Variants in PLXNB3 observed in about 807,000 individuals in gnomAD.
PLXNB3 encodes the protein plexin-B3.
In PLXNB3, 80 loss-of-function variants were observed where a neutral mutation model predicts 125.7. That is an observed-to-expected ratio of 0.64 (90% CI 0.53 to 0.77). The LOEUF is 0.77. PLXNB3 is among the 30% of genes least tolerant of loss of function. PLXNB3 has a pLI of 0.00. For synonymous variants in PLXNB3, 954 were observed against 783.3 expected, an observed-to-expected ratio of 1.22 and a Z score of -3.64; for missense variants, 1,836 against 1,729.3, an observed-to-expected ratio of 1.06 and a Z score of -1.09.
At chrX:153,771,456 G>A (rs200739097) in intron 13 of PLXNB3, 30 bp from the exon 14 acceptor site, 2 of 1,209,021 alleles carry the variant, frequency 1.7e-6, no homozygotes, top group African/African-American at 1.7e-5. Flanking sequence ...CAGACAGGAG[G>A]CGCTCAGCAC....
Position 153,778,400 on chromosome X carries a change from T to C in PLXNB3, c.5479T>C (p.Tyr1827His). 4 of 1,211,349 alleles carry C rather than the reference T, an allele frequency of 3.3e-6. No homozygotes were observed. The highest frequency in any genetic ancestry group is 4.5e-6 in the Non-Finnish European group (4 of 895,323). The change falls in exon 34 of 36, where the codon TAT (tyrosine) becomes CAT (histidine). Residue 1827 changes from tyrosine to histidine, a missense_variant. Tyr to His is a moderately conservative substitution (Grantham distance 83). Coordinates refer to ENST00000361971, the MANE Select transcript of PLXNB3 (RefSeq NM_005393.3). ...TAACGAAGTCTGCTCCTCCAGGTAC[T>C]ATGCGGACATTCGCCAGAGCTCTCC... Reference protein sequence around the residue: ...PRYKQMVERYYADIRQSSPAS... With the variant: ...PRYKQMVERYHADIRQSSPAS...
chrX:153,770,276 G>C, intron 8 of PLXNB3, 28 bp downstream of exon 8: 1 of 1,208,306 alleles, frequency 8.3e-7, no homozygotes. Flanking sequence ...TAGGGGGCTG[G>C]GATGGAGGCT....
Position 153,776,191 on chromosome X carries a change from C to T in PLXNB3, c.4706C>T (p.Pro1569Leu). Residue 1569 changes from proline to leucine, a missense_variant, in exon 27 of 36, where the codon CCC becomes CTC. Coordinates refer to ENST00000361971, the MANE Select transcript of PLXNB3 (RefSeq NM_005393.3). ...VYKGTPFSQRPSVHALDLEWR... is the reference protein window; with the variant it reads ...VYKGTPFSQRLSVHALDLEWR... ...AAGGGCACCCCCTTCTCCCAGAGGC[C>T]CTCAGTGCATGCCCTAGACCTTGGT... 8.4e-7 allele frequency: 1 copy of T among 1,185,622 alleles called. No homozygotes were observed. Among genetic ancestry groups the T allele is most frequent in the Non-Finnish European group, 1.1e-6 (1 of 881,906 alleles).
At chrX:153,766,611 G>T (rs1363740161) in intron 2 of PLXNB3, 14 of 1,054,703 alleles carry the variant, frequency 1.3e-5, no homozygotes, top group Non-Finnish European at 1.7e-5. Context: ...TTCTGTCCTT[G>T]TGTGCTTGTG....
Position 153,778,053 on chromosome X carries a change from C to T in PLXNB3, c.5367C>T (p.Thr1789=). ...VDAILAVIAQ[T]FIDSCTTSEH... Reference sequence around the variant, plus strand: ...CCATCCTTGCTGTCATCGCCCAGACCTTCATTGACTCCTGTACCACCTCGG... The same window carrying T: ...CCATCCTTGCTGTCATCGCCCAGACTTTCATTGACTCCTGTACCACCTCGG... Residue 1789 remains threonine, a synonymous_variant, in exon 32 of 36, where the codon ACC becomes ACT. Transcript: ENST00000361971. 4 of 1,211,913 alleles carry T rather than the reference C, an allele frequency of 3.3e-6. No homozygotes were observed. The East Asian group carries it at 8.9e-5, about 27-fold the overall frequency.
chrX:153,775,666 G>A lies in PLXNB3; in HGVS notation c.4401+6G>A, dbSNP rs781879696. On this transcript the variant is annotated splice_donor_region_variant and intron_variant, in intron 26 of 35. Coordinates refer to ENST00000361971, the MANE Select transcript of PLXNB3 (RefSeq NM_005393.3). ...GCCTGTACGCCTTCCTGAGGGTGAG[G>A]GGCACTGTCCCGCCTGCTCCCAGCC... 7.5e-6 allele frequency: 9 copies of A among 1,205,482 alleles called. No individual in the cohort carries two copies. Among genetic ancestry groups the A allele is most frequent in the Non-Finnish European group, 1.0e-5 (9 of 891,403 alleles).
At chrX:153,769,466 G>A (rs1268813608) in intron 6 of PLXNB3, among the ~76,000 whole-genome samples, 1 of 112,289 alleles carries the variant, frequency 8.9e-6, no homozygotes, top group Non-Finnish European at 1.9e-5. Context: ...CACCCGGCCT[G>A]TGGACTCCTC....
rs782081905 is a variant in PLXNB3 at position 153,768,922 on chromosome X, A to G, written c.1267-26A>G. 12 of 1,203,685 alleles carry G rather than the reference A, an allele frequency of 1.0e-5. No homozygotes were observed. The Admixed American group carries it at 2.4e-4, about 24-fold the overall frequency. ...CAGGCAACCTTTGGCCATCTGGCCCAGCCTCGTCCTTGTCCCCCCACTCAG... is the reference window on the plus strand; with the variant it reads ...CAGGCAACCTTTGGCCATCTGGCCCGGCCTCGTCCTTGTCCCCCCACTCAG... On this transcript the variant is annotated intron_variant, in intron 4 of 35. Transcript: ENST00000361971.
In PLXNB3 at chrX:153,770,820, C is replaced by T. The variant is rs782720607; in HGVS notation, c.2073C>T (p.His691=). The change falls in exon 11 of 36, where the codon CAC becomes CAT. Residue 691 remains histidine, a synonymous_variant. Transcript: ENST00000361971. ...AGGTCGAAGGCCTGGCAGGTCCCCA[C>T]CTGGTGCCTGTGGGCTGGGAGAGCC... The part of the protein sequence containing the change: ...CPQVEGLAGP[H]LVPVGWESHL... The T allele has an allele frequency of 8.3e-7, 1 of 1,208,603 alleles. No homozygotes were observed. The highest frequency in any genetic ancestry group is 1.8e-5 in the South Asian group (1 of 56,877).
intron 1 of PLXNB3, among the ~76,000 whole-genome samples, chrX:153,765,044 G>A (rs1316036745): frequency 8.0e-5 from 9 of 113,173 alleles, no homozygotes; most frequent in Non-Finnish European, 1.7e-4. Context: ...GCTACCAGCC[G>A]GCATTTGCAG....
chrX:153,775,453 C>T (rs782539917), intron 25 of PLXNB3, 50 bp downstream of exon 25: 38 of 1,173,902 alleles, frequency 3.2e-5, no homozygotes, highest in Non-Finnish European at 4.2e-5. Context: ...TGCCACAGAC[C>T]TGCCCCCATC....
At position 153,775,178 on chromosome X, in the gene PLXNB3, G is replaced by T. The variant is rs369084656; in HGVS notation, c.4156-47G>T. 20 of 1,151,909 alleles carry T rather than the reference G, an allele frequency of 1.7e-5. No homozygotes were observed. The South Asian group carries it at 3.9e-4, about 22-fold the overall frequency. The allele number at this position is 1,151,909 out of a possible 1,213,427, so 94.9% of individuals were successfully genotyped here. On this transcript the variant is annotated intron_variant, in intron 24 of 35. Transcript: ENST00000361971. ...GGAACTACTGGCCTGAGACAAAGGTGGGGGAGGAGTGGGGCTTCCCAGGAT... is the reference window on the plus strand; with the variant it reads ...GGAACTACTGGCCTGAGACAAAGGTTGGGGAGGAGTGGGGCTTCCCAGGAT...
intron 12 of PLXNB3, 23 bp from the exon 13 acceptor site, chrX:153,771,287 C>A (rs1557061757): frequency 2.6e-6 from 3 of 1,173,924 alleles, no homozygotes; most frequent in Non-Finnish European, 3.5e-6. Context: ...GGCACCCAGC[C>A]TGACCCCACA....
In PLXNB3 at chrX:153,774,274, C is replaced by T; in HGVS notation, c.3608C>T (p.Thr1203Ile). ...GECLVKTLTR[T>I]HLYCEPPAHA... ...TGCCTGGTGAAGACGCTCACGCGCA[C>T]CCACCTGTACTGCGAGCCGCCTGCG... The change falls in exon 21 of 36, where the codon ACC (threonine) becomes ATC (isoleucine). Residue 1203 changes from threonine (T) to isoleucine (I), a missense_variant. By Grantham distance (89) the Thr-to-Ile change is moderately conservative. Transcript: ENST00000361971. The T allele has an allele frequency of 1.4e-5, 16 of 1,176,528 alleles. No homozygotes were observed. Among genetic ancestry groups the T allele is most frequent in the Non-Finnish European group, 1.8e-5 (16 of 881,802 alleles).
chrX:153,769,944 G>A lies in PLXNB3; in HGVS notation c.1629+5G>A, dbSNP rs1241441969. 4 of 1,203,248 alleles carry A rather than the reference G, an allele frequency of 3.3e-6. No individual in the cohort carries two copies. The highest frequency in any genetic ancestry group is 4.5e-6 in the Non-Finnish European group (4 of 891,969). On this transcript the variant is annotated splice_donor_5th_base_variant and intron_variant, in intron 7 of 35. Transcript: ENST00000361971. Reference sequence around the variant, plus strand: ...CCCCGCCAGGAGCAGGGCCAGGTAAGCCGCCCACCACCACTGGGCCCTCTG... The same window carrying A: ...CCCCGCCAGGAGCAGGGCCAGGTAAACCGCCCACCACCACTGGGCCCTCTG...
In PLXNB3 at chrX:153,767,699, C is replaced by G; in HGVS notation, c.872C>G (p.Ala291Gly). Residue 291 changes from alanine (A) to glycine (G), a missense_variant, in exon 3 of 36, where the codon GCC becomes GGC. Physicochemically the swap from Ala to Gly is moderately conservative, Grantham distance 60. Coordinates refer to ENST00000361971, the MANE Select transcript of PLXNB3 (RefSeq NM_005393.3). ...TGCCAGGGCCAGGGCCTCATCCAGGCCGCCTTCCTTGCCCCGGGCACCTTG... is the reference window on the plus strand; with the variant it reads ...TGCCAGGGCCAGGGCCTCATCCAGGGCGCCTTCCTTGCCCCGGGCACCTTG... ...LACQGQGLIQ[A>G]AFLAPGTLLG... 8.5e-7 allele frequency: 1 copy of G among 1,182,880 alleles called. No individual in the cohort carries two copies. The highest frequency in any genetic ancestry group is 2.3e-5 in the Admixed American group (1 of 42,851).
intron 28 of PLXNB3, 21 bp downstream of exon 28, chrX:153,776,480 A>C: frequency 2.6e-6 from 1 of 381,647 alleles, no homozygotes; most frequent in Non-Finnish European, 4.3e-6. Context: ...GGACGGGGCG[A>C]GGCAGGGCGG....
At chrX:153,767,949 G>C in intron 3 of PLXNB3, 36 bp downstream of exon 3, 1 of 1,076,529 alleles carries the variant, frequency 9.3e-7, no homozygotes, top group Middle Eastern at 2.5e-4. Context: ...CCTCTCTGTG[G>C]ATGGCTGGCA....
intron 16 of PLXNB3, 70 bp downstream of exon 16, chrX:153,772,357 A>C: frequency 1.3e-6 from 1 of 758,116 alleles, no homozygotes; most frequent in Non-Finnish European, 2.0e-6. Flanking sequence ...ACAGGCGCCT[A>C]GTAAGGATGT....
Sources: gnomAD v4.1 joint callset for allele counts (sites outside exome capture counted in the v4.1 genomes callset) on GRCh38, gnomAD v4.1.1 for gene constraint, MANE v1.5 for transcripts, NCBI Gene and HGNC (gene_info 2026-07-23, HGNC 2026-07-21) for gene names.